Variants in ITPRID2 observed in about 807,000 individuals in gnomAD.
The protein encoded by ITPRID2 is ITPR interacting domain containing 2.
Under a neutral mutation model 124.3 loss-of-function variants are expected in ITPRID2, and 60 were observed. The ratio of observed to expected loss-of-function variants is 0.48; its 90% confidence interval spans 0.39 to 0.60. The LOEUF is 0.60. Ranked by LOEUF, ITPRID2 falls within the 20% of genes least tolerant of loss-of-function variation. The pLI, the probability that ITPRID2 is intolerant of heterozygous loss-of-function variation, is 0.00. For synonymous variants in ITPRID2, 521 were observed against 542.9 expected (o/e 0.96, Z 0.56); for missense variants, 1,553 against 1,512.2 (o/e 1.03, Z -0.45).
At chr2:181,914,195 T>C (rs1693850039) in intron 10 of ITPRID2, among the ~76,000 whole-genome samples, 1 of 152,216 alleles carries the variant, frequency 6.6e-6, no homozygotes, top group Non-Finnish European at 1.5e-5. Flanking sequence ...ATTGTGATCA[T>C]TAACCTGTTT....
chr2:181,923,345 A>T (rs944328859), intron 16 of ITPRID2, among the ~76,000 whole-genome samples: 3 of 152,226 alleles, frequency 2.0e-5, no homozygotes, highest in Non-Finnish European at 4.4e-5. Flanking sequence ...TATTTCAATC[A>T]TGTTGAATCA....
Position 181,892,553 on chromosome 2 carries a change from G to T in ITPRID2, c.212-62G>T, listed in dbSNP as rs367956068. 203 of 1,602,902 alleles carry T rather than the reference G, an allele frequency of 1.3e-4. No homozygotes were observed. Among genetic ancestry groups the T allele is most frequent in the Non-Finnish European group, 1.7e-4 (197 of 1,169,994 alleles). Reference sequence around the variant, plus strand: ...GATTTTCCTACTTGGGAGGGTCCAGGGTGACTCCGCCGTCGTAGTGCTCCT... The same window carrying T: ...GATTTTCCTACTTGGGAGGGTCCAGTGTGACTCCGCCGTCGTAGTGCTCCT... On this transcript the variant is annotated intron_variant, in intron 1 of 17. Coordinates refer to ENST00000431877, the MANE Select transcript of ITPRID2 (RefSeq NM_001130445.3). The surrounding 1 kb of genome is among the most constrained non-coding windows in gnomAD (Gnocchi z 5.2).
chr2:181,915,528 C>T lies in ITPRID2; in HGVS notation c.1888C>T (p.Pro630Ser). The change falls in exon 11 of 18, where the codon CCA becomes TCA. Residue 630 changes from proline to serine, a missense_variant. Coordinates refer to ENST00000431877, the MANE Select transcript of ITPRID2 (RefSeq NM_001130445.3). ...TACTGAAGTGGAAGAGGATTTGTTT[C>T]CAGCAGAGACAGTAGAGCTACTGAG... ...EITEVEEDLF[P>S]AETVELLREA... is the part of the protein sequence containing the mutation. The T allele has an allele frequency of 1.2e-6, 2 of 1,614,160 alleles. No homozygotes were observed.
chr2:181,916,772 T>C (rs915824041), intron 11 of ITPRID2: 6 of 938,656 alleles, frequency 6.4e-6, no homozygotes, highest in Non-Finnish European at 6.5e-6. Context: ...AAATCTTCCC[T>C]CTTAAAGTTC....
intron 5 of ITPRID2, 43 bp downstream of exon 5, chr2:181,898,962 C>T (rs940671345): frequency 6.3e-7 from 1 of 1,596,660 alleles, no homozygotes; most frequent in Non-Finnish European, 8.6e-7. Flanking sequence ...AAATGAAGAC[C>T]TTTAATGAAA....
At position 181,892,181 on chromosome 2, in the gene ITPRID2, A is replaced by G. The variant is rs544506344; in HGVS notation, c.115A>G (p.Thr39Ala). ...KCRSSWQASE[T>A]EDLSTEATTQ... ...CCGCAGCTCCTGGCAAGCGTCGGAG[A>G]CGGAGGATCTGTCCACAGAAGCGAC... Residue 39 changes from threonine (T) to alanine (A), a missense_variant, in exon 1 of 18, where the codon ACG becomes GCG. Coordinates refer to ENST00000431877, the MANE Select transcript of ITPRID2 (RefSeq NM_001130445.3). The surrounding 1 kb of genome is among the most constrained non-coding windows in gnomAD (Gnocchi z 5.2). The G allele has an allele frequency of 6.4e-7, 1 of 1,553,556 alleles. No individual in the cohort carries two copies. Among genetic ancestry groups the G allele is most frequent in the African/African-American group, 1.4e-5 (1 of 73,328 alleles).
Position 181,905,126 on chromosome 2 carries a change from T to G in ITPRID2, c.1413+2660T>G, listed in dbSNP as rs1004596419. Among the ~76,000 whole-genome samples, 2 of 151,046 alleles carry G rather than the reference T, an allele frequency of 1.3e-5. No homozygotes were observed. The highest frequency in any genetic ancestry group is 2.1e-4 in the South Asian group (1 of 4,780). On this transcript the variant is annotated intron_variant, in intron 8 of 17. Coordinates refer to ENST00000431877, the MANE Select transcript of ITPRID2 (RefSeq NM_001130445.3). This position sits in a 1 kb window ranked among gnomAD's most constrained non-coding sequence, Gnocchi z 4.1. ...GTGCAGTGGTGCAATCTTGGCTAAC[T>G]GCAACGTCTGCCTCCTGGGTTCATG...
intron 2 of ITPRID2, chr2:181,894,441 A>G (rs772422529): frequency 1.6e-4 from 24 of 152,186 alleles, no homozygotes; most frequent in Non-Finnish European, 2.6e-4. Context: ...ATTCATTTGT[A>G]TCCAGGAAAG....
intron 2 of ITPRID2, among the ~76,000 whole-genome samples, chr2:181,895,525 G>A (rs927277013): frequency 7.9e-5 from 12 of 152,022 alleles, no homozygotes; most frequent in Admixed American, 2.6e-4. Flanking sequence ...GGCATTAGGT[G>A]ATGCTCTGAA....
At position 181,915,700 on chromosome 2, in the gene ITPRID2, C is replaced by T. The variant is rs761039705; in HGVS notation, c.2060C>T (p.Ser687Phe). 1.2e-5 allele frequency: 19 copies of T among 1,614,010 alleles called. No homozygotes were observed. The highest frequency in any genetic ancestry group is 1.4e-5 in the Non-Finnish European group (17 of 1,180,038). Residue 687 changes from serine (S) to phenylalanine (F), a missense_variant, in exon 11 of 18, where the codon TCC becomes TTC. Coordinates refer to ENST00000431877, the MANE Select transcript of ITPRID2 (RefSeq NM_001130445.3). ...GAAAATACAACTGGGCCTCCCTCTT[C>T]CATGGACAGAGTTAATACAGCTTTG... The part of the protein sequence containing the change: ...SSENTTGPPS[S>F]MDRVNTALQR...
chr2:181,895,512 G>A (rs1274039218), intron 2 of ITPRID2, among the ~76,000 whole-genome samples: 1 of 152,022 alleles, frequency 6.6e-6, no homozygotes, highest in Non-Finnish European at 1.5e-5. Context: ...GGGGCAAGGG[G>A]GAGGCATTAG....
chr2:181,892,336 G>A lies in ITPRID2; in HGVS notation c.211+59G>A, dbSNP rs948020253. 8 of 1,471,260 alleles carry A rather than the reference G, an allele frequency of 5.4e-6. No homozygotes were observed. Among genetic ancestry groups the A allele is most frequent in the African/African-American group, 1.4e-5 (1 of 71,466 alleles). 91.1% of individuals were successfully genotyped at this position (1,471,260 alleles called of 1,614,324 possible). A position where few individuals can be genotyped will look rare whatever the true frequency, so the allele number is the denominator to read the frequency against. ...TGGTGGGCTGGGGAGAGTCTCGTGC[G>A]CCCTGGGCGCCTGCCACGAGTTCTG... On this transcript the variant is annotated intron_variant, in intron 1 of 17. Transcript: ENST00000431877. This position sits in a 1 kb window ranked among gnomAD's most constrained non-coding sequence, Gnocchi z 5.2.
chr2:181,898,858 C>A, intron 4 of ITPRID2, 22 bp from the exon 5 acceptor site: 2 of 1,570,716 alleles, frequency 1.3e-6, no homozygotes, highest in Non-Finnish European at 1.8e-6. Context: ...TTGTGCTCTA[C>A]GTTTATTGTT....
chr2:181,918,928 C>T, intron 13 of ITPRID2, 46 bp downstream of exon 13: 1 of 1,597,020 alleles, frequency 6.3e-7, no homozygotes, highest in Middle Eastern at 1.9e-4. Context: ...GCTTTTCATT[C>T]AAAGTCTTCT....
intron 11 of ITPRID2, chr2:181,917,608 A>T (rs1264739475): frequency 6.6e-6 from 1 of 152,422 alleles, no homozygotes; most frequent in Non-Finnish European, 1.5e-5. Context: ...GCAATAACTC[A>T]GCTAATACAT....
chr2:181,924,378 A>AACT lies in ITPRID2; in HGVS notation c.3675+1968_3675+1969insTAC, dbSNP rs1453151204. ...TTTTATTCCAGTCATTCAAATTGGT[A>AACT]ACCTTTTTACCTAAATACATACTGT... On this transcript the variant is annotated intron_variant, in intron 16 of 17. Transcript: ENST00000431877. Among the ~76,000 whole-genome samples the AACT allele has an allele frequency of 2.6e-5, 4 of 152,230 alleles. No homozygotes were observed. In the East Asian group the frequency reaches 7.7e-4, roughly 29 times the overall value.
rs970649638 is a variant in ITPRID2, at chr2:181,919,462, G to A, written c.3144+16G>A. On this transcript the variant is annotated intron_variant, in intron 14 of 17. Transcript: ENST00000431877. The surrounding 1 kb of genome is among the most constrained non-coding windows in gnomAD (Gnocchi z 4.2). ...CGCACTCATGGTACGCTACCTGGAG[G>A]GTGGTCGGAGTTTTCACCAAAGGTT... The A allele has an allele frequency of 1.5e-5, 23 of 1,527,886 alleles. No homozygotes were observed. The highest frequency in any genetic ancestry group is 1.8e-5 in the Non-Finnish European group (21 of 1,140,068). 94.6% of individuals were successfully genotyped at this position (1,527,886 alleles called of 1,614,324 possible). A position where few individuals can be genotyped will look rare whatever the true frequency, so the allele number is the denominator to read the frequency against.
chr2:181,917,022 A>G (rs1191643473), intron 11 of ITPRID2: 26 of 984,506 alleles, frequency 2.6e-5, no homozygotes, highest in Non-Finnish European at 3.1e-5. Context: ...TGTGAATTTG[A>G]TTTAAAATGC....
At chr2:181,925,939 T>C (rs563788876) in intron 16 of ITPRID2, among the ~76,000 whole-genome samples, 2 of 152,368 alleles carry the variant, frequency 1.3e-5, no homozygotes, top group Non-Finnish European at 1.5e-5. Flanking sequence ...TTTTTTGTTC[T>C]TATGTCATTA....
Sources: gnomAD v4.1 joint callset for allele counts (sites outside exome capture counted in the v4.1 genomes callset) on GRCh38, gnomAD v4.1.1 for gene constraint, Gnocchi (gnomAD v3.1) non-coding constraint, MANE v1.5 for transcripts, NCBI Gene and HGNC (gene_info 2026-07-23, HGNC 2026-07-21) for gene names.